Variants in CCSER1 observed in about 807,000 individuals in gnomAD.
CCSER1 encodes serine-rich coiled-coil domain-containing protein 1.
Under a neutral mutation model 82.0 loss-of-function variants are expected in CCSER1, and 41 were observed. The ratio of observed to expected loss-of-function variants is 0.50; its 90% confidence interval spans 0.39 to 0.65. CCSER1 has a LOEUF of 0.65. Among genes scored for constraint, CCSER1 ranks in the 30% least tolerant of loss-of-function variants. The pLI is 0.00. For synonymous variants in CCSER1, 414 were observed against 383.9 expected, an observed-to-expected ratio of 1.08 and a Z score of -0.92; for missense variants, 1,119 against 1,064.2, an observed-to-expected ratio of 1.05 and a Z score of -0.72.
intron 6 of CCSER1, among the ~76,000 whole-genome samples, chr4:90,688,871 T>C (rs1398311744): frequency 1.3e-5 from 2 of 152,182 alleles, no homozygotes; most frequent in Non-Finnish European, 2.9e-5. Flanking sequence ...ATACATATTA[T>C]TATTTTTACT....
intron 9 of CCSER1, among the ~76,000 whole-genome samples, chr4:91,036,229 C>A (rs1440264030): frequency 1.3e-5 from 2 of 152,126 alleles, no homozygotes; most frequent in East Asian, 3.8e-4. Context: ...AAACATTGTT[C>A]ATAACAAACT....
intron 10 of CCSER1, among the ~76,000 whole-genome samples, chr4:91,363,357 TTGTGTGTGTGTGTGTG>T (rs201687094): frequency 5.7e-5 from 8 of 139,548 alleles, no homozygotes; most frequent in African/African-American, 2.1e-4. Context: ...TGGAGATATT[TTGTGTGTGTGTGTGTG>T]TGTGTGTGTG....
chr4:90,160,471 AT>A (rs1729231591), intron 1 of CCSER1, among the ~76,000 whole-genome samples: 1 of 152,204 alleles, frequency 6.6e-6, no homozygotes, highest in Non-Finnish European at 1.5e-5. Context: ...GTGACAAAGA[AT>A]GCAGTAGAGA....
At chr4:91,092,135 A>G (rs1173450175) in intron 10 of CCSER1, among the ~76,000 whole-genome samples, 1 of 152,052 alleles carries the variant, frequency 6.6e-6, no homozygotes, top group Non-Finnish European at 1.5e-5. Context: ...TCCCTAAACT[A>G]TTTTTGATAG....
At chr4:90,868,956 A>T (rs1035686407) in intron 8 of CCSER1, among the ~76,000 whole-genome samples, 2 of 151,988 alleles carry the variant, frequency 1.3e-5, no homozygotes, top group African/African-American at 4.8e-5. Flanking sequence ...CTGATGATCA[A>T]TGATGTTGAG....
chr4:91,091,362 C>T (rs565938871), intron 10 of CCSER1, among the ~76,000 whole-genome samples: 5 of 152,198 alleles, frequency 3.3e-5, no homozygotes, highest in East Asian at 3.9e-4. Flanking sequence ...AGACTTTGTA[C>T]TGAGTGTTAT....
chr4:90,358,981 A>G (rs1744826517), intron 3 of CCSER1, among the ~76,000 whole-genome samples: 1 of 152,216 alleles, frequency 6.6e-6, no homozygotes, highest in Non-Finnish European at 1.5e-5. Context: ...ATTCATGAAA[A>G]GATACTTTTA....
intron 8 of CCSER1, among the ~76,000 whole-genome samples, chr4:90,903,057 A>G (rs1352944994): frequency 6.6e-6 from 1 of 152,138 alleles, no homozygotes; most frequent in Non-Finnish European, 1.5e-5. Flanking sequence ...GGCTGCTACC[A>G]CCGCACATTG....
At chr4:91,176,798 G>C (rs1282694547) in intron 10 of CCSER1, among the ~76,000 whole-genome samples, 1 of 152,082 alleles carries the variant, frequency 6.6e-6, no homozygotes. Context: ...TTTCCTAATT[G>C]AATACCCTTT....
chr4:90,536,681 A>G (rs926624893), intron 5 of CCSER1, among the ~76,000 whole-genome samples: 1 of 152,222 alleles, frequency 6.6e-6, no homozygotes, highest in Admixed American at 6.5e-5. Context: ...AATTACCCTG[A>G]TAATTGAAGA....
intron 5 of CCSER1, among the ~76,000 whole-genome samples, chr4:90,499,849 G>A (rs1348533643): frequency 6.6e-6 from 1 of 152,144 alleles, no homozygotes; most frequent in Non-Finnish European, 1.5e-5. Context: ...CAAGCCATCA[G>A]TTGTTTCTCC....
chr4:91,271,549 C>T (rs1742023715), intron 10 of CCSER1, among the ~76,000 whole-genome samples: 1 of 152,092 alleles, frequency 6.6e-6, no homozygotes, highest in Non-Finnish European at 1.5e-5. Flanking sequence ...TCCTGAGTTA[C>T]TTCACTTAGA....
At chr4:91,331,441 G>C (rs1746946074) in intron 10 of CCSER1, among the ~76,000 whole-genome samples, 1 of 152,044 alleles carries the variant, frequency 6.6e-6, no homozygotes, top group South Asian at 2.1e-4. Context: ...TCATCTTTTA[G>C]CCTCATCTTG....
intron 8 of CCSER1, among the ~76,000 whole-genome samples, chr4:90,840,445 C>T (rs543607861): frequency 1.3e-5 from 2 of 152,290 alleles, no homozygotes; most frequent in East Asian, 3.9e-4. Context: ...AACTTTCCTA[C>T]ATTATGATTA....
intron 10 of CCSER1, among the ~76,000 whole-genome samples, chr4:91,535,914 G>A (rs1761274345): frequency 6.6e-6 from 1 of 152,026 alleles, no homozygotes; most frequent in South Asian, 2.1e-4. Flanking sequence ...AGCATACTTG[G>A]CACCTCCTTA....
intron 5 of CCSER1, among the ~76,000 whole-genome samples, chr4:90,573,625 T>C (rs1780369162): frequency 6.6e-6 from 1 of 152,226 alleles, no homozygotes; most frequent in Non-Finnish European, 1.5e-5. Flanking sequence ...CTCTTGTGAA[T>C]GTAGTTTTCT....
chr4:90,247,683 A>G (rs1412432477), intron 1 of CCSER1, among the ~76,000 whole-genome samples: 1 of 152,116 alleles, frequency 6.6e-6, no homozygotes, highest in Non-Finnish European at 1.5e-5. Flanking sequence ...ATGTAAATCC[A>G]GACTAAACGT....
chr4:90,365,096 A>T (rs11097247), intron 3 of CCSER1, among the ~76,000 whole-genome samples: 1 of 151,432 alleles, frequency 6.6e-6, no homozygotes, highest in Non-Finnish European at 1.5e-5. Flanking sequence ...GTAGTATTGC[A>T]TATATTTTTG....
At chr4:91,372,292 G>A (rs1189653730) in intron 10 of CCSER1, among the ~76,000 whole-genome samples, 1 of 152,072 alleles carries the variant, frequency 6.6e-6, no homozygotes, top group Non-Finnish European at 1.5e-5. Flanking sequence ...AAAATGCACA[G>A]TATATACAAG....
Sources: allele counts gnomAD v4.1 joint callset (sites outside exome capture counted in the v4.1 genomes callset), GRCh38; gene constraint gnomAD v4.1.1; transcripts MANE v1.5; gene names NCBI Gene and HGNC (gene_info 2026-07-23, HGNC 2026-07-21).